Variants in CERS6 observed in about 807,000 individuals in gnomAD.
CERS6 encodes the protein ceramide synthase 6.
A neutral mutation model predicts 56.8 loss-of-function variants in CERS6; 26 were observed. The observed-to-expected ratio is 0.46, with a 90% confidence interval of 0.34 to 0.63. The LOEUF is 0.63. Among genes scored for constraint, CERS6 ranks in the 30% least tolerant of loss-of-function variants. The pLI, the probability that CERS6 is intolerant of heterozygous loss-of-function variation, is 0.01. For synonymous variants in CERS6, 164 were observed against 173.3 expected (o/e 0.95, Z 0.42); for missense variants, 415 against 467.5 (o/e 0.89, Z 1.04).
intron 8 of CERS6, among the ~76,000 whole-genome samples, chr2:168,754,358 A>G (rs1684360805): frequency 6.6e-6 from 1 of 152,222 alleles, no homozygotes; most frequent in African/African-American, 2.4e-5. Context: ...TAAATAATAC[A>G]TAATATTCAG....
intron 6 of CERS6, among the ~76,000 whole-genome samples, chr2:168,708,350 A>T (rs2390729): frequency 0.021 from 3,183 of 152,282 alleles, 53 homozygotes; most frequent in Middle Eastern, 0.048. Context: ...ATCACAAGAG[A>T]GAAAGGAAAA....
intron 3 of CERS6, among the ~76,000 whole-genome samples, chr2:168,564,486 T>C (rs1366902838): frequency 1.3e-5 from 2 of 152,238 alleles, no homozygotes; most frequent in Non-Finnish European, 2.9e-5. Flanking sequence ...TATCCCCATG[T>C]TGTGACACTT....
At chr2:168,490,720 C>CGA (rs141176702) in intron 1 of CERS6, among the ~76,000 whole-genome samples, 48 of 150,644 alleles carry the variant, frequency 3.2e-4, no homozygotes, top group East Asian at 7.8e-4. Flanking sequence ...TTTTAAAAAG[C>CGA]GAGAGAGAGA....
chr2:168,547,574 T>G, intron 1 of CERS6, 22 bp from the exon 2 acceptor site: 1 of 1,510,166 alleles, frequency 6.6e-7, no homozygotes, highest in Non-Finnish European at 9.1e-7. Flanking sequence ...ACCTTCTACT[T>G]TTTTCTTTTT....
intron 1 of CERS6, among the ~76,000 whole-genome samples, chr2:168,462,979 C>A (rs1318691082): frequency 1.3e-5 from 2 of 152,124 alleles, no homozygotes; most frequent in Non-Finnish European, 2.9e-5. Flanking sequence ...TTTTAATGAA[C>A]AACTTTTAAA....
At chr2:168,598,392 TTTC>T (rs1683852482) in intron 3 of CERS6, among the ~76,000 whole-genome samples, 1 of 152,126 alleles carries the variant, frequency 6.6e-6, no homozygotes, top group Admixed American at 6.5e-5. Context: ...ACCAGAGAGT[TTTC>T]TTTTTTTTTT....
intron 8 of CERS6, among the ~76,000 whole-genome samples, chr2:168,731,567 C>T (rs537221888): frequency 6.6e-6 from 1 of 152,138 alleles, no homozygotes; most frequent in African/African-American, 2.4e-5. Context: ...GCAATGAATA[C>T]TTCAAGGTGA....
At chr2:168,607,287 C>G (rs1459750897) in intron 3 of CERS6, among the ~76,000 whole-genome samples, 2 of 152,110 alleles carry the variant, frequency 1.3e-5, no homozygotes, top group Non-Finnish European at 2.9e-5. Context: ...GTTGCAACAT[C>G]TTTCCTTACT....
At chr2:168,731,899 A>G (rs1184186063) in intron 8 of CERS6, among the ~76,000 whole-genome samples, 4 of 152,200 alleles carry the variant, frequency 2.6e-5, no homozygotes, top group African/African-American at 9.7e-5. Flanking sequence ...TTCCTAGAAC[A>G]CTGCATTATG....
intron 8 of CERS6, among the ~76,000 whole-genome samples, chr2:168,758,184 T>C (rs1394516775): frequency 1.3e-5 from 2 of 152,156 alleles, no homozygotes; most frequent in East Asian, 3.8e-4. Flanking sequence ...GTAGGTCAAA[T>C]GAACATCCAT....
At chr2:168,705,364 A>G (rs965370665) in intron 6 of CERS6, among the ~76,000 whole-genome samples, 1 of 152,150 alleles carries the variant, frequency 6.6e-6, no homozygotes, top group Non-Finnish European at 1.5e-5. Flanking sequence ...CATCACAGCC[A>G]GAAGAAAAAA....
intron 2 of CERS6, among the ~76,000 whole-genome samples, chr2:168,558,400 T>C (rs542841099): frequency 6.6e-6 from 1 of 152,258 alleles, no homozygotes; most frequent in East Asian, 1.9e-4. Flanking sequence ...TCTTTACAGC[T>C]CTACAAAAGA....
intron 2 of CERS6, among the ~76,000 whole-genome samples, chr2:168,556,008 G>A (rs1016445862): frequency 6.6e-6 from 1 of 151,908 alleles, no homozygotes; most frequent in South Asian, 2.1e-4. Context: ...ACAATACAAT[G>A]TTTCAGTATA....
chr2:168,486,715 C>T (rs886835843), intron 1 of CERS6, among the ~76,000 whole-genome samples: 12 of 152,016 alleles, frequency 7.9e-5, no homozygotes, highest in Non-Finnish European at 1.0e-4. Context: ...TTGGGTTCCT[C>T]CTGTGTTGAT....
chr2:168,713,574 A>G (rs1447190425), intron 6 of CERS6, among the ~76,000 whole-genome samples: 2 of 152,208 alleles, frequency 1.3e-5, no homozygotes, highest in Non-Finnish European at 2.9e-5. Flanking sequence ...GAAAAAAACA[A>G]TCTTCACTGA....
intron 2 of CERS6, among the ~76,000 whole-genome samples, chr2:168,553,395 A>G (rs1695612944): frequency 6.6e-6 from 1 of 152,210 alleles, no homozygotes; most frequent in Admixed American, 6.5e-5. Context: ...GGGCCCAGAA[A>G]GTTCAACACT....
chr2:168,572,886 A>G (rs1574073856), intron 3 of CERS6, among the ~76,000 whole-genome samples: 2 of 152,166 alleles, frequency 1.3e-5, no homozygotes, highest in Admixed American at 6.5e-5. Context: ...AGGCCCCCCA[A>G]AATGTCCAGT....
chr2:168,533,658 T>C (rs1007699724), intron 1 of CERS6, among the ~76,000 whole-genome samples: 2 of 152,168 alleles, frequency 1.3e-5, no homozygotes, highest in African/African-American at 4.8e-5. Context: ...TTTTCCTTCA[T>C]TTTGACCTTG....
chr2:168,678,832 G>T (rs1181550671), intron 4 of CERS6, among the ~76,000 whole-genome samples: 1 of 152,146 alleles, frequency 6.6e-6, no homozygotes, highest in African/African-American at 2.4e-5. Flanking sequence ...CCACTACTGG[G>T]TATGTATTCA....
Sources: gnomAD v4.1 joint callset for allele counts (sites outside exome capture counted in the v4.1 genomes callset) on GRCh38, gnomAD v4.1.1 for gene constraint, MANE v1.5 for transcripts, NCBI Gene and HGNC (gene_info 2026-07-23, HGNC 2026-07-21) for gene names.